SNX24: variants seen among roughly 807,000 people sequenced by gnomAD.
SNX24 encodes sorting nexin 24.
SNX24 carries 22 observed loss-of-function variants against 28.7 expected under a neutral mutation model. The observed-to-expected ratio is 0.77, with a 90% CI of 0.55 to 1.10. SNX24 has a LOEUF of 1.10. SNX24 is among the 50% of genes least tolerant of loss of function. The probability of loss-of-function intolerance (pLI) is 0.00; values close to 1 mark genes in which losing one functional copy is unlikely to be tolerated. For synonymous variants in SNX24, 69 were observed against 71.5 expected (o/e 0.96, Z 0.18); for missense variants, 221 against 201.1 (o/e 1.10, Z -0.60).
At chr5:123,009,263 T>C, downstream of SNX24, 1 of 977,414 alleles carries the variant, frequency 1.0e-6, no homozygotes, top group Non-Finnish European at 1.2e-6. Flanking sequence ...ATCTGTCTGT[T>C]TACACACACA....
chr5:122,995,035 CT>C (rs1388896491), intron 3 of SNX24, among the ~76,000 whole-genome samples: 1 of 152,086 alleles, frequency 6.6e-6, no homozygotes, highest in African/African-American at 2.4e-5. Context: ...GCCTATATTC[CT>C]AAATGACAGA....
chr5:122,891,022 C>A, intron 1 of SNX24: 1 of 1,482,946 alleles, frequency 6.7e-7, no homozygotes, highest in African/African-American at 1.4e-5. Flanking sequence ...TGTCTTACCT[C>A]TCAGGTGGTA....
At chr5:122,916,315 C>G (rs147915806) in intron 1 of SNX24, among the ~76,000 whole-genome samples, 1 of 152,324 alleles carries the variant, frequency 6.6e-6, no homozygotes, top group Non-Finnish European at 1.5e-5. Context: ...ACCTGGATCT[C>G]TGCTTTTTGT....
At chr5:122,969,682 G>C (rs943864464) in intron 3 of SNX24, among the ~76,000 whole-genome samples, 4 of 152,130 alleles carry the variant, frequency 2.6e-5, no homozygotes, top group African/African-American at 9.7e-5. Flanking sequence ...AAAGACATCA[G>C]AGCAGTGTGG....
intron 5 of SNX24, 92 bp from the exon 6 acceptor site, chr5:123,001,848 C>A: frequency 9.7e-7 from 1 of 1,034,938 alleles, no homozygotes; most frequent in Non-Finnish European, 1.5e-6. Flanking sequence ...GACGTCCCCG[C>A]ACAGCAGTTT....
intron 1 of SNX24, chr5:122,853,785 C>T: frequency 3.6e-6 from 1 of 278,930 alleles, no homozygotes; most frequent in South Asian, 3.2e-5. Context: ...ACTGTGCCTG[C>T]CTTAAGAACT....
intron 3 of SNX24, among the ~76,000 whole-genome samples, chr5:122,996,805 G>A (rs1762066984): frequency 6.6e-6 from 1 of 152,132 alleles, no homozygotes; most frequent in African/African-American, 2.4e-5. Context: ...ATAAAGATAA[G>A]CAATCTAAAA....
intron 5 of SNX24, among the ~76,000 whole-genome samples, chr5:123,019,453 G>A (rs865876174): frequency 6.6e-6 from 1 of 152,092 alleles, no homozygotes; most frequent in African/African-American, 2.4e-5. Flanking sequence ...AACTCAAAAC[G>A]GCTAAACTAA....
chr5:122,903,014 G>A (rs1261990898), intron 1 of SNX24, among the ~76,000 whole-genome samples: 1 of 152,082 alleles, frequency 6.6e-6, no homozygotes, highest in South Asian at 2.1e-4. Flanking sequence ...CCTGTATACA[G>A]AGAACTCAGT....
At position 122,956,375 on chromosome 5, in the gene SNX24, C is replaced by T. The variant is rs1347716897; in HGVS notation, c.249+10216C>T. Among the ~76,000 whole-genome samples the T allele has an allele frequency of 0.014, 145 of 10,196 alleles. 2 individuals carry two copies. In the African/African-American group the frequency reaches 0.16, roughly 11 times the overall value. The allele number at this position is 10,196 out of a possible 152,430, so 6.7% of individuals were successfully genotyped here. A position where few individuals can be genotyped will look rare whatever the true frequency, so the allele number is the denominator to read the frequency against. On this transcript the variant is annotated intron_variant, in intron 3 of 6. Coordinates refer to ENST00000261369, the MANE Select transcript of SNX24 (RefSeq NM_014035.4). ...GGGAAAAAAAAAATATATACACACA[C>T]ACACACACACACACACACACACACA...
intron 1 of SNX24, among the ~76,000 whole-genome samples, chr5:122,913,402 C>G (rs1757991219): frequency 6.6e-6 from 1 of 150,910 alleles, no homozygotes; most frequent in Non-Finnish European, 1.5e-5. Context: ...GGCTGACCCC[C>G]CACCTCCCTC....
chr5:122,995,577 A>G (rs985260445), intron 3 of SNX24, among the ~76,000 whole-genome samples: 2 of 152,038 alleles, frequency 1.3e-5, no homozygotes, highest in East Asian at 3.9e-4. Flanking sequence ...ACAATTTGAG[A>G]CCCATGATTC....
At chr5:122,847,363 T>A (rs1581660759) in intron 1 of SNX24, among the ~76,000 whole-genome samples, 1 of 152,192 alleles carries the variant, frequency 6.6e-6, no homozygotes, top group Non-Finnish European at 1.5e-5. Flanking sequence ...TAAACTGATG[T>A]GGAAGGAGCT....
At chr5:122,943,484 G>T (rs1759549503) in intron 2 of SNX24, among the ~76,000 whole-genome samples, 2 of 152,138 alleles carry the variant, frequency 1.3e-5, no homozygotes, top group Admixed American at 1.3e-4. Context: ...TCTTCCCCCA[G>T]TGATTGCCCT....
intron 2 of SNX24, among the ~76,000 whole-genome samples, chr5:122,942,724 G>A (rs1356025882): frequency 6.6e-6 from 1 of 152,140 alleles, no homozygotes; most frequent in Non-Finnish European, 1.5e-5. Flanking sequence ...ACACAGCAGG[G>A]CCAGGACCGT....
intron 5 of SNX24, among the ~76,000 whole-genome samples, chr5:123,025,380 T>TA (rs1581871919): frequency 6.6e-6 from 1 of 152,256 alleles, no homozygotes; most frequent in African/African-American, 2.4e-5. Context: ...TTAGATATTT[T>TA]ATATAAATGA....
chr5:122,920,542 C>T (rs1471582901), intron 1 of SNX24, among the ~76,000 whole-genome samples: 1 of 152,214 alleles, frequency 6.6e-6, no homozygotes, highest in Non-Finnish European at 1.5e-5. Context: ...CTCTATCTTA[C>T]AGTGGAGTTG....
intron 1 of SNX24, among the ~76,000 whole-genome samples, chr5:122,925,330 T>G (rs1014125646): frequency 1.4e-5 from 2 of 145,730 alleles, no homozygotes; most frequent in African/African-American, 5.1e-5. Flanking sequence ...CTCAACCCCC[T>G]GGGCTCAAGT....
chr5:123,024,159 G>A (rs1194418078), intron 5 of SNX24, among the ~76,000 whole-genome samples: 14 of 130,814 alleles, frequency 1.1e-4, no homozygotes, highest in African/African-American at 3.7e-4. Flanking sequence ...TTTTATGCAC[G>A]CTAACTGTGG....
Sources: allele counts gnomAD v4.1 joint callset (sites outside exome capture counted in the v4.1 genomes callset), GRCh38; gene constraint gnomAD v4.1.1; transcripts MANE v1.5; gene names NCBI Gene and HGNC (gene_info 2026-07-23, HGNC 2026-07-21).